The following FBXO46 variants were observed in gnomAD, a reference collection of about 807,000 sequenced individuals.
FBXO46 encodes F-box protein 46.
FBXO46 carries 13 observed loss-of-function variants against 30.7 expected under a neutral mutation model. The observed-to-expected ratio is 0.42, with a 90% CI of 0.28 to 0.67. The LOEUF is 0.67. Ranked by LOEUF, FBXO46 falls within the 30% of genes least tolerant of loss-of-function variation. The pLI is 0.21. For missense variants in FBXO46, 754 were observed against 871.5 expected (o/e 0.87, Z 1.70); for synonymous variants, 467 against 385.8 (o/e 1.21, Z -2.47).
chr19:45,728,082 G>A (rs1480701708), intron 1 of FBXO46, among the ~76,000 whole-genome samples: 2 of 152,160 alleles, frequency 1.3e-5, no homozygotes, highest in African/African-American at 4.8e-5. Flanking sequence ...GACTACAGGC[G>A]CCCGCCACCA....
chr19:45,728,093 C>T (rs1327872436), intron 1 of FBXO46, among the ~76,000 whole-genome samples: 6 of 152,166 alleles, frequency 3.9e-5, no homozygotes, highest in South Asian at 2.1e-4. Context: ...CCCGCCACCA[C>T]GCCCAGCTAA....
chr19:45,712,913 T>G lies in FBXO46; in HGVS notation c.583A>C (p.Thr195Pro). The G allele has an allele frequency of 6.2e-7, 1 of 1,609,054 alleles. No homozygotes were observed. The change falls in exon 2 of 2, where the codon ACC becomes CCC. Residue 195 changes from threonine to proline, a missense_variant. By Grantham distance (38) the Thr-to-Pro change is conservative. Around this residue, in one of 5 missense-constraint regions of FBXO46, gnomAD observed 454 missense variants for 426.5 expected, o/e 1.06. Transcript: ENST00000317683. This position sits in a 1 kb window ranked among gnomAD's most constrained non-coding sequence, Gnocchi z 8.8. ...GACACAAAGACTACAGGCGCTGGGG[T>G]GGTCGGTCGTGGGTAGCTCTGCAGG... ...LALQSYPRPT[T>P]PAPVVFVSAE...
At chr19:45,716,284 C>T (rs561485068) in intron 1 of FBXO46, 21 of 152,286 alleles carry the variant, frequency 1.4e-4, no homozygotes, top group African/African-American at 4.6e-4. Flanking sequence ...GTATAACCAA[C>T]TGCCCAGGGA....
At position 45,712,818 on chromosome 19, in the gene FBXO46, A is replaced by C. The variant is rs1436035649; in HGVS notation, c.678T>G (p.Arg226=). 2 of 1,612,642 alleles carry C rather than the reference A, an allele frequency of 1.2e-6. No individual in the cohort carries two copies. Among genetic ancestry groups the C allele is most frequent in the Admixed American group, 1.7e-5 (1 of 59,938 alleles). The stretch of plus-strand genomic sequence containing the variant: ...CAAAGTGGGCCACGGCCTCGGCTAC[A>C]CGGCTGCAGTCCCCACCACCGGACC... The part of the protein sequence containing the change: ...ERRSGGGDCS[R]VAEAVAHFEA... The change falls in exon 2 of 2, where the codon CGT becomes CGG. Residue 226 remains arginine, a synonymous_variant. Transcript: ENST00000317683. The surrounding 1 kb of genome is among the most constrained non-coding windows in gnomAD (Gnocchi z 8.8).
intron 1 of FBXO46, among the ~76,000 whole-genome samples, chr19:45,729,377 G>A (rs1968279386): frequency 6.6e-6 from 1 of 152,212 alleles, no homozygotes; most frequent in East Asian, 1.9e-4. Flanking sequence ...GCTACAGTTA[G>A]CCATACCACT....
chr19:45,723,203 T>G (rs771823774), intron 1 of FBXO46, among the ~76,000 whole-genome samples: 4 of 151,988 alleles, frequency 2.6e-5, no homozygotes, highest in Non-Finnish European at 2.9e-5. Flanking sequence ...TGAGACCACA[T>G]CTCTAAAATA....
chr19:45,712,058 C>T lies in FBXO46; in HGVS notation c.1438G>A (p.Val480Met). ...AGGAAGCTGAAGATCTTGACCAGCA[C>T]GTGCTCGGGCAGCAGCAGCATGTAC... is the stretch of plus-strand genomic sequence containing the variant. ...RQYMLLLPEH[V>M]LVKIFSFLPT... The change falls in exon 2 of 2, where the codon GTG becomes ATG. Residue 480 changes from valine (V) to methionine (M), a missense_variant. Val to Met is a conservative substitution (Grantham distance 21). Coordinates refer to ENST00000317683, the MANE Select transcript of FBXO46 (RefSeq NM_001080469.2). The surrounding 1 kb of genome is among the most constrained non-coding windows in gnomAD (Gnocchi z 8.8). The T allele has an allele frequency of 1.2e-6, 2 of 1,611,112 alleles. No individual in the cohort carries two copies. Among genetic ancestry groups the T allele is most frequent in the Non-Finnish European group, 1.7e-6 (2 of 1,179,098 alleles).
intron 1 of FBXO46, among the ~76,000 whole-genome samples, chr19:45,719,469 A>G (rs908011337): frequency 6.6e-6 from 1 of 152,200 alleles, no homozygotes; most frequent in African/African-American, 2.4e-5. Flanking sequence ...ATCTCTACAC[A>G]TGACAGCCAT....
intron 1 of FBXO46, among the ~76,000 whole-genome samples, chr19:45,730,565 T>C (rs1387729489): frequency 6.6e-6 from 1 of 152,034 alleles, no homozygotes; most frequent in Admixed American, 6.6e-5. Flanking sequence ...TCAGGGCCTC[T>C]ACCTGGATGT....
intron 1 of FBXO46, chr19:45,717,283 G>C (rs1340809574): frequency 6.6e-6 from 1 of 151,994 alleles, no homozygotes; most frequent in Non-Finnish European, 1.5e-5. Context: ...CCCCCAGGCG[G>C]CGGGAGAAGG....
In FBXO46 at chr19:45,713,150, T is replaced by C. The variant is rs1309641618; in HGVS notation, c.346A>G (p.Ser116Gly). 6.2e-7 allele frequency: 1 copy of C among 1,613,564 alleles called. No individual in the cohort carries two copies. The highest frequency in any genetic ancestry group is 8.5e-7 in the Non-Finnish European group (1 of 1,179,772). ...AHQCGGGSRA[S>G]SMKVKGHWGS... ...CAGTGCCCCTTGACCTTCATGGAGC[T>C]GGCCCGGCTGCCCCCACCACACTGG... The change falls in exon 2 of 2, where the codon AGC becomes GGC. Residue 116 changes from serine to glycine, a missense_variant. Transcript: ENST00000317683. The surrounding 1 kb of genome is among the most constrained non-coding windows in gnomAD (Gnocchi z 4.7).
At chr19:45,718,942 T>TAAA (rs397954439) in intron 1 of FBXO46, among the ~76,000 whole-genome samples, 9 of 119,402 alleles carry the variant, frequency 7.5e-5, no homozygotes, top group Non-Finnish European at 3.6e-5. Flanking sequence ...CATTACCCCT[T>TAAA]AAAAAAAAAA....
At position 45,713,053 on chromosome 19, in the gene FBXO46, C is replaced by G. The variant is rs780634187; in HGVS notation, c.443G>C (p.Gly148Ala). The change falls in exon 2 of 2, where the codon GGG becomes GCG. Residue 148 changes from glycine to alanine, a missense_variant. Gly to Ala is a moderately conservative substitution (Grantham distance 60, BLOSUM62 0). This residue lies in a region of FBXO46 where 454 missense variants were observed against 426.5 expected (regional missense o/e 1.06). Coordinates refer to ENST00000317683, the MANE Select transcript of FBXO46 (RefSeq NM_001080469.2). The surrounding 1 kb of genome is among the most constrained non-coding windows in gnomAD (Gnocchi z 4.7). ...AGCAGCAGGGGGGCCCTCCCGGCCC[C>G]CTGGGTCAGGAGGAGCCTTGGTGGG... ...LDPTKAPPDP[G>A]GREGPPAAEE... 6.4e-7 allele frequency: 1 copy of G among 1,571,148 alleles called. No homozygotes were observed. The highest frequency in any genetic ancestry group is 1.2e-5 in the South Asian group (1 of 86,124).
Position 45,713,586 on chromosome 19 carries a change from A to G in FBXO46, c.-78-13T>C. 3.6e-6 allele frequency: 4 copies of G among 1,112,002 alleles called. No individual in the cohort carries two copies. Among genetic ancestry groups the G allele is most frequent in the Non-Finnish European group, 1.3e-6 (1 of 787,986 alleles). The allele number at this position is 1,112,002 out of a possible 1,614,324, so 68.9% of individuals were successfully genotyped here. The stretch of plus-strand genomic sequence containing the variant: ...CTCCACATGCCACCTGGAGACACGA[A>G]GAGGAGGTTGGGGAGCTAGGGGGAC... On this transcript the variant is annotated splice_polypyrimidine_tract_variant and intron_variant, in intron 1 of 1. Transcript: ENST00000317683. This position sits in a 1 kb window ranked among gnomAD's most constrained non-coding sequence, Gnocchi z 4.7.
At chr19:45,731,236 T>C (rs1968306641), upstream of FBXO46, among the ~76,000 whole-genome samples, 1 of 151,716 alleles carries the variant, frequency 6.6e-6, no homozygotes, top group Non-Finnish European at 1.5e-5. Context: ...GAAGAGCAAA[T>C]TTATTGATTC....
chr19:45,718,487 T>C (rs1968130612), intron 1 of FBXO46, among the ~76,000 whole-genome samples: 1 of 152,112 alleles, frequency 6.6e-6, no homozygotes, highest in Non-Finnish European at 1.5e-5. Flanking sequence ...GTGGGCTCAT[T>C]GCTGTCTATT....
At position 45,713,410 on chromosome 19, in the gene FBXO46, G is replaced by A; in HGVS notation, c.86C>T (p.Ser29Phe). 3.1e-6 allele frequency: 5 copies of A among 1,608,650 alleles called. No homozygotes were observed. Among genetic ancestry groups the A allele is most frequent in the Non-Finnish European group, 4.3e-6 (5 of 1,176,122 alleles). Residue 29 changes from serine to phenylalanine, a missense_variant, in exon 2 of 2, where the codon TCT (serine) becomes TTT (phenylalanine). Ser to Phe is a radical substitution (Grantham distance 155). Coordinates refer to ENST00000317683, the MANE Select transcript of FBXO46 (RefSeq NM_001080469.2). The surrounding 1 kb of genome is among the most constrained non-coding windows in gnomAD (Gnocchi z 4.7). ...GCAGGCTGATGGCTTGAGGGCCGCA[G>A]AAGGCGGGCGTGGCTGGTTCTGTGA... ...TYSQNQPRPP[S>F]AALKPSACPE...
Position 45,712,663 on chromosome 19 carries a change from A to G in FBXO46, c.833T>C (p.Leu278Pro), listed in dbSNP as rs1332555271. 1.2e-6 allele frequency: 2 copies of G among 1,612,134 alleles called. No individual in the cohort carries two copies. Among genetic ancestry groups the G allele is most frequent in the Non-Finnish European group, 1.7e-6 (2 of 1,179,104 alleles). ...AGGCCTGCCCCCGCCCCCACTGGGC[A>G]GGCCGCTGTCTGGTGCACGGGGCTC... is the stretch of plus-strand genomic sequence containing the variant. ...GREPRAPDSG[L>P]PSGGGGRPGC... is the part of the protein sequence containing the mutation. The change falls in exon 2 of 2, where the codon CTG becomes CCG. Residue 278 changes from leucine (L) to proline (P), a missense_variant. Transcript: ENST00000317683. This position sits in a 1 kb window ranked among gnomAD's most constrained non-coding sequence, Gnocchi z 8.8.
At chr19:45,715,793 C>G (rs1968081612) in intron 1 of FBXO46, 1 of 101,614 alleles carries the variant, frequency 9.8e-6, no homozygotes, top group South Asian at 3.4e-4. Context: ...GCGACAAGAG[C>G]TAAACTCCAT....
Sources: allele counts gnomAD v4.1 joint callset (sites outside exome capture counted in the v4.1 genomes callset), GRCh38; gene constraint gnomAD v4.1.1; regional missense constraint gnomAD v4.1.1; non-coding constraint Gnocchi (gnomAD v3.1); transcripts MANE v1.5; gene names NCBI Gene and HGNC (gene_info 2026-07-23, HGNC 2026-07-21).